Variants in PTPRT observed in about 807,000 individuals in gnomAD.
PTPRT encodes receptor-type tyrosine-protein phosphatase T.
A neutral mutation model predicts 176.8 loss-of-function variants in PTPRT; 56 were observed. The observed-to-expected ratio is 0.32, with a 90% confidence interval of 0.26 to 0.40. PTPRT has a LOEUF of 0.40. Ranked by LOEUF, PTPRT falls within the 10% of genes least tolerant of loss-of-function variation. PTPRT has a pLI of 1.00. For missense variants in PTPRT, 1,540 were observed against 1,908.2 expected (o/e 0.81, Z 3.60); for synonymous variants, 783 against 739.0 (o/e 1.06, Z -0.96).
chr20:42,437,874 C>T (rs778513607), intron 9 of PTPRT, among the ~76,000 whole-genome samples: 7 of 152,156 alleles, frequency 4.6e-5, no homozygotes, highest in Non-Finnish European at 8.8e-5. Flanking sequence ...AAAACAGAAG[C>T]GAAAGAGCCA....
chr20:42,235,422 A>T (rs946839632), intron 15 of PTPRT, among the ~76,000 whole-genome samples: 1 of 151,956 alleles, frequency 6.6e-6, no homozygotes, highest in Non-Finnish European at 1.5e-5. Flanking sequence ...CATCACGCCC[A>T]GCTCATTTTT....
intron 17 of PTPRT, among the ~76,000 whole-genome samples, chr20:42,148,837 G>A (rs1347791331): frequency 6.6e-6 from 1 of 152,208 alleles, no homozygotes; most frequent in Non-Finnish European, 1.5e-5. Context: ...TGAGCGGCCT[G>A]ATTCTTTGCC....
At chr20:43,026,113 T>G (rs1985899290) in intron 1 of PTPRT, among the ~76,000 whole-genome samples, 1 of 151,818 alleles carries the variant, frequency 6.6e-6, no homozygotes, top group Non-Finnish European at 1.5e-5. Flanking sequence ...AGAGACATTA[T>G]TGTTTTGTTT....
chr20:42,212,561 C>T (rs951465418), intron 15 of PTPRT, among the ~76,000 whole-genome samples: 2 of 152,148 alleles, frequency 1.3e-5, no homozygotes, highest in Non-Finnish European at 2.9e-5. Context: ...GCCAGACAGC[C>T]TGGCATCAAA....
intron 7 of PTPRT, among the ~76,000 whole-genome samples, chr20:42,484,660 C>A (rs1249113039): frequency 6.6e-6 from 1 of 152,180 alleles, no homozygotes; most frequent in Non-Finnish European, 1.5e-5. Flanking sequence ...TACCGGTGCT[C>A]TTGTGAGTTA....
intron 1 of PTPRT, among the ~76,000 whole-genome samples, chr20:42,947,715 G>A (rs996454850): frequency 6.6e-6 from 1 of 152,024 alleles, no homozygotes; most frequent in Non-Finnish European, 1.5e-5. Flanking sequence ...TGCAAGAATT[G>A]TGCTCATTCA....
intron 2 of PTPRT, among the ~76,000 whole-genome samples, chr20:42,826,640 C>T (rs960985397): frequency 2.6e-5 from 4 of 152,286 alleles, no homozygotes; most frequent in Middle Eastern, 6.8e-3. Flanking sequence ...ATAAAGCAAC[C>T]ACACAAACAA....
chr20:43,094,848 A>C (rs1199256482), intron 1 of PTPRT, among the ~76,000 whole-genome samples: 1 of 152,148 alleles, frequency 6.6e-6, no homozygotes, highest in African/African-American at 2.4e-5. Flanking sequence ...TGGACGAAGG[A>C]TTACAGACAG....
intron 2 of PTPRT, among the ~76,000 whole-genome samples, chr20:42,836,816 G>A (rs1020392952): frequency 3.3e-5 from 5 of 152,222 alleles, no homozygotes; most frequent in African/African-American, 1.2e-4. Flanking sequence ...CTGGGCACTT[G>A]CTATGTAACG....
chr20:42,399,871 T>C (rs2058888659), intron 9 of PTPRT, among the ~76,000 whole-genome samples: 1 of 152,252 alleles, frequency 6.6e-6, no homozygotes, highest in Admixed American at 6.5e-5. Context: ...ATGTATTGTG[T>C]CTTTCAAATA....
chr20:42,867,330 T>C (rs1309064773), intron 2 of PTPRT, among the ~76,000 whole-genome samples: 2 of 151,452 alleles, frequency 1.3e-5, no homozygotes, highest in African/African-American at 2.4e-5. Flanking sequence ...TTCCAACTAA[T>C]ATCAGCCTGA....
chr20:42,521,659 G>C (rs898184442), intron 7 of PTPRT, among the ~76,000 whole-genome samples: 1 of 152,124 alleles, frequency 6.6e-6, no homozygotes, highest in Admixed American at 6.5e-5. Flanking sequence ...TATTCAGGAA[G>C]AACCCATTAG....
chr20:43,179,856 C>T (rs1298018623), intron 1 of PTPRT, among the ~76,000 whole-genome samples: 1 of 152,216 alleles, frequency 6.6e-6, no homozygotes, highest in East Asian at 1.9e-4. Flanking sequence ...GTGGGCAGCT[C>T]CTGAAATGGT....
intron 7 of PTPRT, among the ~76,000 whole-genome samples, chr20:42,501,190 T>A (rs2071745297): frequency 6.6e-6 from 1 of 152,160 alleles, no homozygotes. Flanking sequence ...TGAACTTTTA[T>A]CTAGAATAAA....
chr20:42,852,752 C>A (rs1314752303), intron 2 of PTPRT, among the ~76,000 whole-genome samples: 8 of 152,164 alleles, frequency 5.3e-5, no homozygotes, highest in Non-Finnish European at 1.0e-4. Flanking sequence ...TATCAACATG[C>A]CTTCTAGTTA....
chr20:43,013,905 C>A (rs983973860), intron 1 of PTPRT, among the ~76,000 whole-genome samples: 5 of 152,156 alleles, frequency 3.3e-5, no homozygotes, highest in Admixed American at 6.5e-5. Context: ...TGATCTATGA[C>A]ATGAGGAGAA....
intron 6 of PTPRT, among the ~76,000 whole-genome samples, chr20:42,738,789 G>C (rs2076570556): frequency 6.6e-6 from 1 of 152,130 alleles, no homozygotes; most frequent in East Asian, 1.9e-4. Context: ...GTGGCAAATG[G>C]GGCTGGGCAC....
At chr20:42,875,702 G>A (rs1216548145) in intron 2 of PTPRT, among the ~76,000 whole-genome samples, 2 of 152,196 alleles carry the variant, frequency 1.3e-5, no homozygotes, top group Non-Finnish European at 1.5e-5. Flanking sequence ...AGAGATGGAT[G>A]ACAGAAGAGT....
intron 14 of PTPRT, among the ~76,000 whole-genome samples, chr20:42,247,320 C>T (rs911461847): frequency 5.3e-5 from 8 of 152,172 alleles, no homozygotes; most frequent in Non-Finnish European, 1.2e-4. Context: ...CATCCTGGGG[C>T]TTGCATAGCC....
Sources: allele counts gnomAD v4.1 joint callset (sites outside exome capture counted in the v4.1 genomes callset), GRCh38; gene constraint gnomAD v4.1.1; transcripts MANE v1.5; gene names NCBI Gene and HGNC (gene_info 2026-07-23, HGNC 2026-07-21).